The following NIBAN2 variants were observed in gnomAD, a reference collection of about 807,000 sequenced individuals.
The protein encoded by NIBAN2 is niban apoptosis regulator 2.
In NIBAN2, 36 loss-of-function variants were observed where a neutral mutation model predicts 81.8. The observed-to-expected ratio is 0.44, with a 90% CI of 0.34 to 0.58. The LOEUF (loss-of-function observed/expected upper bound fraction) is 0.58. Among genes scored for constraint, NIBAN2 ranks in the 20% least tolerant of loss-of-function variants. The pLI is 0.02. For missense variants in NIBAN2, 897 were observed against 1,014.1 expected (o/e 0.88, Z 1.57); for synonymous variants, 445 against 441.6 (o/e 1.01, Z -0.10).
At position 127,508,322 on chromosome 9, in the gene NIBAN2, C is replaced by G; in HGVS notation, c.1434+100G>C. 1 of 1,320,194 alleles carries G rather than the reference C, an allele frequency of 7.6e-7. No individual in the cohort carries two copies. The highest frequency in any genetic ancestry group is 1.1e-6 in the Non-Finnish European group (1 of 926,020). 81.8% of individuals were successfully genotyped at this position (1,320,194 alleles called of 1,614,324 possible). On this transcript the variant is annotated intron_variant, in intron 11 of 13. Coordinates refer to ENST00000373312, the MANE Select transcript of NIBAN2 (RefSeq NM_022833.4). The surrounding 1 kb of genome is among the most constrained non-coding windows in gnomAD (Gnocchi z 6.4). Reference sequence around the variant, plus strand: ...CCTCATCCGCACAAGAGGACCATGGCGCCTCCTTGCAGGGACAGCAATCCT... The same window carrying G: ...CCTCATCCGCACAAGAGGACCATGGGGCCTCCTTGCAGGGACAGCAATCCT...
At chr9:127,513,427 TG>T (rs758797678) in intron 8 of NIBAN2, among the ~76,000 whole-genome samples, 2 of 152,186 alleles carry the variant, frequency 1.3e-5, no homozygotes, top group Non-Finnish European at 2.9e-5. Context: ...CCTACTGGGC[TG>T]CACTGCCAGG....
chr9:127,541,639 A>G (rs1188955197), intron 1 of NIBAN2, among the ~76,000 whole-genome samples: 3 of 152,048 alleles, frequency 2.0e-5, no homozygotes, highest in African/African-American at 7.3e-5. Context: ...AAGTAGCAGG[A>G]GGGGGACCAG....
Position 127,517,911 on chromosome 9 carries a change from G to A in NIBAN2, c.620C>T (p.Pro207Leu). The change falls in exon 6 of 14, where the codon CCT becomes CTT. Residue 207 changes from proline to leucine, a missense_variant. By Grantham distance (98) the Pro-to-Leu change is moderately conservative. This residue lies in a region of NIBAN2 where 69 missense variants were observed against 114.7 expected (regional missense o/e 0.60). Transcript: ENST00000373312. The surrounding 1 kb of genome is among the most constrained non-coding windows in gnomAD (Gnocchi z 4.0). Reference protein sequence around the residue: ...GIPEDSKVEGPAFTDAIRMYR... With the variant: ...GIPEDSKVEGLAFTDAIRMYR... ...CATGCGGATGGCATCTGTGAACGCAGGGCCCTCTACCTTGGAGTCCTCAGG... is the reference window on the plus strand; with the variant it reads ...CATGCGGATGGCATCTGTGAACGCAAGGCCCTCTACCTTGGAGTCCTCAGG... 2.5e-6 allele frequency: 4 copies of A among 1,612,036 alleles called. No homozygotes were observed. The highest frequency in any genetic ancestry group is 3.4e-6 in the Non-Finnish European group (4 of 1,178,998).
chr9:127,518,718 C>G (rs541981426), intron 5 of NIBAN2, among the ~76,000 whole-genome samples: 1 of 152,370 alleles, frequency 6.6e-6, no homozygotes, highest in East Asian at 1.9e-4. Context: ...GCGGGGCTCC[C>G]TGGGCCACAG....
At chr9:127,530,094 G>A (rs1173596231) in intron 2 of NIBAN2, among the ~76,000 whole-genome samples, 1 of 152,192 alleles carries the variant, frequency 6.6e-6, no homozygotes, top group East Asian at 1.9e-4. Context: ...TTCTGGCCCC[G>A]CTCACCTGGG....
chr9:127,531,346 T>C (rs1837176195), intron 2 of NIBAN2, among the ~76,000 whole-genome samples: 2 of 152,016 alleles, frequency 1.3e-5, no homozygotes, highest in East Asian at 3.9e-4. Flanking sequence ...TAGCCGGGCA[T>C]GGTGGTGCAC....
chr9:127,516,968 C>T lies in NIBAN2; in HGVS notation c.862G>A (p.Glu288Lys), dbSNP rs746012686. 1.2e-5 allele frequency: 20 copies of T among 1,613,992 alleles called. No homozygotes were observed. The highest frequency in any genetic ancestry group is 2.2e-5 in the East Asian group (1 of 44,888). Residue 288 changes from glutamate (E) to lysine (K), a missense_variant, in exon 8 of 14, where the codon GAG (glutamate) becomes AAG (lysine). Transcript: ENST00000373312. The part of the protein sequence containing the change: ...MVYEQAKARF[E>K]EVLSKVQQVQ... The stretch of plus-strand genomic sequence containing the variant: ...TGCTGCACCTTGGACAGCACCTCCT[C>T]GAAGCGCGCCTTGGCCTGCTCGTAC...
Position 127,545,232 on chromosome 9 carries a change from G to A in NIBAN2, c.56-13454C>T, listed in dbSNP as rs1023950484. On this transcript the variant is annotated intron_variant, in intron 1 of 13. Transcript: ENST00000373312. The surrounding 1 kb of genome is among the most constrained non-coding windows in gnomAD (Gnocchi z 4.7). ...CCCCAGGCTCAAGTGCCACCTCCTC[G>A]GAACCCTCCCTCCAGACAAGTCCCG... Among the ~76,000 whole-genome samples the A allele has an allele frequency of 1.3e-5, 2 of 151,894 alleles. No individual in the cohort carries two copies. Among genetic ancestry groups the A allele is most frequent in the African/African-American group, 4.8e-5 (2 of 41,316 alleles).
chr9:127,522,399 C>G (rs1470168908), intron 5 of NIBAN2, among the ~76,000 whole-genome samples: 1 of 152,140 alleles, frequency 6.6e-6, no homozygotes, highest in Non-Finnish European at 1.5e-5. Flanking sequence ...GGGGCGGGGG[C>G]AGGAGCTTCC....
chr9:127,509,928 G>A (rs531214740), intron 9 of NIBAN2: 12 of 355,776 alleles, frequency 3.4e-5, no homozygotes, highest in Admixed American at 4.4e-5. Flanking sequence ...GCTGGTGGCC[G>A]GGAGCTAATG....
Position 127,517,221 on chromosome 9 carries a change from G to C in NIBAN2, c.706-5C>G. On this transcript the variant is annotated splice_region_variant and splice_polypyrimidine_tract_variant and intron_variant, in intron 6 of 13. Transcript: ENST00000373312. The surrounding 1 kb of genome is among the most constrained non-coding windows in gnomAD (Gnocchi z 4.0). ...CATCACCAGGTTGCTCAGGATCTAG[G>C]TTGAGGAGGCACAAGCCAGGCCAGG... 1 of 1,613,056 alleles carries C rather than the reference G, an allele frequency of 6.2e-7. No homozygotes were observed. Among genetic ancestry groups the C allele is most frequent in the Non-Finnish European group, 8.5e-7 (1 of 1,179,566 alleles).
intron 1 of NIBAN2, among the ~76,000 whole-genome samples, chr9:127,553,075 G>A (rs1219409769): frequency 6.6e-6 from 1 of 152,096 alleles, no homozygotes; most frequent in Non-Finnish European, 1.5e-5. Context: ...GTATCAGGAA[G>A]GTGCCTGAAA....
chr9:127,519,312 G>T (rs1836892350), intron 5 of NIBAN2, among the ~76,000 whole-genome samples: 3 of 152,180 alleles, frequency 2.0e-5, no homozygotes, highest in Admixed American at 2.0e-4. Context: ...CCTGAGTGAG[G>T]CGTGGACCTC....
At chr9:127,560,262 C>T (rs950871493) in intron 1 of NIBAN2, among the ~76,000 whole-genome samples, 1 of 152,174 alleles carries the variant, frequency 6.6e-6, no homozygotes, top group Non-Finnish European at 1.5e-5. Flanking sequence ...TCACGTACAT[C>T]AGCTCGCCCC....
intron 9 of NIBAN2, 90 bp downstream of exon 9, chr9:127,510,055 AC>A: frequency 8.0e-7 from 1 of 1,243,606 alleles, no homozygotes; most frequent in Non-Finnish European, 1.1e-6. Flanking sequence ...TTGGAGGGGA[AC>A]GGCTGCCCGG....
chr9:127,555,166 T>TC (rs1371240301), intron 1 of NIBAN2, among the ~76,000 whole-genome samples: 1 of 152,114 alleles, frequency 6.6e-6, no homozygotes, highest in Non-Finnish European at 1.5e-5. Flanking sequence ...TTCCATTCCA[T>TC]CCCCCATGCT....
At position 127,517,142 on chromosome 9, in the gene NIBAN2, T is replaced by A; in HGVS notation, c.780A>T (p.Lys260Asn). 3 of 1,613,898 alleles carry A rather than the reference T, an allele frequency of 1.9e-6. 1 individual carries two copies. The South Asian group carries it at 3.3e-5, about 18-fold the overall frequency. The change falls in exon 7 of 14, where the codon AAA becomes AAT. Residue 260 changes from lysine to asparagine, a missense_variant. Coordinates refer to ENST00000373312, the MANE Select transcript of NIBAN2 (RefSeq NM_022833.4). This position sits in a 1 kb window ranked among gnomAD's most constrained non-coding sequence, Gnocchi z 4.0. ...KAELGPRLKG[K>N]PQERQRQWIQ... The stretch of plus-strand genomic sequence containing the variant: ...TCCACTGCCGCTGCCGCTCCTGCGG[T>A]TTCCCCTTCAGCCGCGGGCCGAGCT...
At chr9:127,575,730 A>C (rs949305774) in intron 1 of NIBAN2, among the ~76,000 whole-genome samples, 1 of 151,652 alleles carries the variant, frequency 6.6e-6, no homozygotes, top group African/African-American at 2.4e-5. Context: ...GGGTTTCACC[A>C]TATTGATCAG....
chr9:127,516,398 A>ACATGCCAC (rs1836830133), intron 8 of NIBAN2, among the ~76,000 whole-genome samples: 1 of 152,124 alleles, frequency 6.6e-6, no homozygotes, highest in Non-Finnish European at 1.5e-5. Flanking sequence ...CACAAAAGTT[A>ACATGCCAC]GCCGGGCATG....
Sources: gnomAD v4.1 joint callset for allele counts (sites outside exome capture counted in the v4.1 genomes callset) on GRCh38, gnomAD v4.1.1 for gene constraint, gnomAD v4.1.1 regional missense constraint, Gnocchi (gnomAD v3.1) non-coding constraint, MANE v1.5 for transcripts, NCBI Gene and HGNC (gene_info 2026-07-23, HGNC 2026-07-21) for gene names.